The following TRPM3 variants were observed in gnomAD, a reference collection of about 807,000 sequenced individuals.
TRPM3 encodes the protein transient receptor potential cation channel subfamily M member 3.
TRPM3 carries 77 observed loss-of-function variants against 181.2 expected under a neutral mutation model. The observed-to-expected ratio is 0.42, with a 90% confidence interval of 0.35 to 0.51. The LOEUF is 0.51. TRPM3 is among the 20% of genes least tolerant of loss of function. The pLI is 0.01. For synonymous variants in TRPM3, 745 were observed against 796.4 expected, an observed-to-expected ratio of 0.94 and a Z score of 1.09; for missense variants, 1,759 against 2,196.7, an observed-to-expected ratio of 0.80 and a Z score of 3.98.
chr9:70,962,951 T>C (rs1190777154), intron 1 of TRPM3, among the ~76,000 whole-genome samples: 1 of 152,106 alleles, frequency 6.6e-6, no homozygotes, highest in Non-Finnish European at 1.5e-5. Flanking sequence ...TCTCTGAAAA[T>C]CTTTTTGGGT....
At chr9:71,090,295 G>C (rs1353252205) in intron 1 of TRPM3, among the ~76,000 whole-genome samples, 1 of 152,202 alleles carries the variant, frequency 6.6e-6, no homozygotes, top group Non-Finnish European at 1.5e-5. Flanking sequence ...GGAATGGCAT[G>C]TGCCAAGGGA....
chr9:70,579,748 A>G lies in TRPM3; in HGVS notation c.3223+11283T>C, dbSNP rs555304144. ...ATCAGCAATTTACTGCAGGCAGCGT[A>G]GAAGACAGTGTTTGGAGGCAAACTG... On this transcript the variant is annotated intron_variant, in intron 22 of 25. Coordinates refer to ENST00000677713, the MANE Select transcript of TRPM3 (RefSeq NM_001366145.2). Among the ~76,000 whole-genome samples, 18 of 152,360 alleles carry G rather than the reference A, an allele frequency of 1.2e-4. No individual in the cohort carries two copies. The South Asian group carries it at 3.7e-3, about 32-fold the overall frequency.
rs561463366 is a variant in TRPM3 at position 71,254,151 on chromosome 9, C to T, written c.183+192502G>A. Reference sequence around the variant, plus strand: ...GCCAGGATGGTCTTGATCTCTTGTCCTTGTGATCCGCCCACCTCACGCTCC... The same window carrying T: ...GCCAGGATGGTCTTGATCTCTTGTCTTTGTGATCCGCCCACCTCACGCTCC... On this transcript the variant is annotated intron_variant, in intron 1 of 24. Coordinates refer to the TRPM3 transcript ENST00000357533. 9.9e-5 allele frequency among the ~76,000 whole-genome samples: 15 copies of T among 152,226 alleles called. No individual in the cohort carries two copies. In the South Asian group the frequency reaches 2.9e-3, roughly 29 times the overall value.
chr9:71,191,009 G>A (rs146997894), intron 1 of TRPM3, among the ~76,000 whole-genome samples: 1 of 151,882 alleles, frequency 6.6e-6, no homozygotes, highest in Non-Finnish European at 1.5e-5. Context: ...ACCAGACACC[G>A]TTTAATAGTT....
At chr9:70,910,046 C>T (rs372458235) in intron 1 of TRPM3, among the ~76,000 whole-genome samples, 1 of 152,086 alleles carries the variant, frequency 6.6e-6, no homozygotes, top group South Asian at 2.1e-4. Flanking sequence ...TCCAGCAATT[C>T]CAGTCCTAGG....
chr9:71,271,078 T>C (rs1032647403), intron 1 of TRPM3, among the ~76,000 whole-genome samples: 1 of 152,144 alleles, frequency 6.6e-6, no homozygotes, highest in South Asian at 2.1e-4. Context: ...AACCACGAGA[T>C]AGAATAAATG....
intron 1 of TRPM3, among the ~76,000 whole-genome samples, chr9:71,141,927 C>T (rs939188474): frequency 2.0e-5 from 3 of 152,028 alleles, no homozygotes; most frequent in East Asian, 3.9e-4. Context: ...TCTGAAATTC[C>T]ATTCACTGGG....
intron 17 of TRPM3, among the ~76,000 whole-genome samples, chr9:70,618,614 C>T (rs1323370381): frequency 6.6e-6 from 1 of 152,202 alleles, no homozygotes; most frequent in Non-Finnish European, 1.5e-5. Context: ...CCCTTTGACT[C>T]CTCCGAAAAA....
intron 1 of TRPM3, among the ~76,000 whole-genome samples, chr9:71,160,884 G>C (rs760242376): frequency 6.6e-6 from 1 of 152,056 alleles, no homozygotes; most frequent in Non-Finnish European, 1.5e-5. Flanking sequence ...TTATGGTTTT[G>C]TATTGCTGGT....
chr9:70,879,313 T>C (rs538129698), intron 1 of TRPM3, among the ~76,000 whole-genome samples: 3 of 152,242 alleles, frequency 2.0e-5, no homozygotes, highest in African/African-American at 7.2e-5. Context: ...ACTTAAATGA[T>C]TACTGTTGCA....
intron 1 of TRPM3, among the ~76,000 whole-genome samples, chr9:71,392,288 G>T (rs2132955854): frequency 6.6e-6 from 1 of 152,140 alleles, no homozygotes; most frequent in East Asian, 1.9e-4. Flanking sequence ...AAAAGTAAGA[G>T]CCCACTAGCA....
chr9:70,855,572 G>A (rs568484418), intron 3 of TRPM3, among the ~76,000 whole-genome samples: 13 of 152,248 alleles, frequency 8.5e-5, no homozygotes, highest in Admixed American at 4.6e-4. Flanking sequence ...GTTACGTAGT[G>A]TTCTGAAAAA....
chr9:71,283,532 C>T (rs182574989), intron 1 of TRPM3, among the ~76,000 whole-genome samples: 1 of 152,316 alleles, frequency 6.6e-6, no homozygotes, highest in East Asian at 1.9e-4. Flanking sequence ...TCTCAATCTC[C>T]TGACCTCGTG....
intron 8 of TRPM3, among the ~76,000 whole-genome samples, chr9:70,740,565 C>T (rs2134803394): frequency 1.3e-5 from 2 of 152,282 alleles, no homozygotes; most frequent in Middle Eastern, 3.4e-3. Context: ...CATCACATTA[C>T]CTGACTTCAA....
At chr9:71,414,901 G>A (rs2093613706) in intron 1 of TRPM3, among the ~76,000 whole-genome samples, 1 of 151,942 alleles carries the variant, frequency 6.6e-6, no homozygotes, top group Non-Finnish European at 1.5e-5. Flanking sequence ...ATTTTTTTAG[G>A]TCATTGTAAC....
At chr9:71,408,035 A>G (rs2093470530) in intron 1 of TRPM3, among the ~76,000 whole-genome samples, 1 of 152,222 alleles carries the variant, frequency 6.6e-6, no homozygotes, top group Non-Finnish European at 1.5e-5. Context: ...AAAACTAACA[A>G]ACAGAAAGGA....
At chr9:70,539,416 T>G (rs2042665695) in intron 25 of TRPM3, among the ~76,000 whole-genome samples, 2 of 151,530 alleles carry the variant, frequency 1.3e-5, no homozygotes, top group East Asian at 1.9e-4. Context: ...CTTTTATCTT[T>G]CAGCTTCCCT....
At chr9:71,078,615 G>A (rs997674769) in intron 1 of TRPM3, among the ~76,000 whole-genome samples, 5 of 152,116 alleles carry the variant, frequency 3.3e-5, no homozygotes, top group Non-Finnish European at 7.4e-5. Context: ...AGTGAGTCTT[G>A]TATGCATAGA....
At chr9:70,571,226 C>A (rs898424696) in intron 22 of TRPM3, among the ~76,000 whole-genome samples, 4 of 152,306 alleles carry the variant, frequency 2.6e-5, no homozygotes, top group East Asian at 3.9e-4. Flanking sequence ...CAAGTCTTAG[C>A]TCTGCCGTTT....
Sources: gnomAD v4.1 joint callset for allele counts (sites outside exome capture counted in the v4.1 genomes callset) on GRCh38, gnomAD v4.1.1 for gene constraint, MANE v1.5 for transcripts, NCBI Gene and HGNC (gene_info 2026-07-23, HGNC 2026-07-21) for gene names.